The following UPF3B variants were observed in gnomAD, a reference collection of about 807,000 sequenced individuals.
UPF3B encodes the protein regulator of nonsense transcripts 3B.
Under a neutral mutation model 40.3 loss-of-function variants are expected in UPF3B, and 7 were observed. That is an observed-to-expected ratio of 0.17 (90% CI 0.10 to 0.33). The LOEUF (loss-of-function observed/expected upper bound fraction) is 0.33, where lower values mean the gene tolerates loss of function less well. Ranked by LOEUF, UPF3B falls within the 10% of genes least tolerant of loss-of-function variation. UPF3B has a pLI of 1.00. For missense variants in UPF3B, 229 were observed against 358.9 expected (o/e 0.64, Z 2.93); for synonymous variants, 117 against 117.3 (o/e 1.00, Z 0.01).
intron 4 of UPF3B, among the ~76,000 whole-genome samples, chrX:119,819,915 G>T (rs2055897977): frequency 9.8e-6 from 1 of 101,961 alleles, no homozygotes; most frequent in African/African-American, 3.7e-5. Context: ...CACGACCTTG[G>T]CTCACTGCAA....
intron 10 of UPF3B, among the ~76,000 whole-genome samples, chrX:119,836,017 T>C (rs140131880): frequency 2.2e-3 from 245 of 109,859 alleles, no homozygotes; most frequent in Non-Finnish European, 3.8e-3. Context: ...AAGAAGACAT[T>C]TCAAGGAAGC....
At chrX:119,807,467 T>C in intron 6 of UPF3B, 1 of 891,205 alleles carries the variant, frequency 1.1e-6, no homozygotes, top group South Asian at 3.1e-5. Flanking sequence ...ATGGTTAATA[T>C]CACTTTCCTG....
chrX:119,806,250 G>A (rs1483257315), intron 6 of UPF3B, among the ~76,000 whole-genome samples: 2 of 94,436 alleles, frequency 2.1e-5, no homozygotes, highest in Non-Finnish European at 4.2e-5. Context: ...ACCAAACACC[G>A]CATATTCTCA....
At chrX:119,824,311 G>A (rs1287985007) in intron 3 of UPF3B, among the ~76,000 whole-genome samples, 1 of 98,474 alleles carries the variant, frequency 1.0e-5, no homozygotes, top group Non-Finnish European at 2.0e-5. Context: ...ACACAGACAA[G>A]GACTTATTTT....
chrX:119,843,585 CT>C (rs1231453609), intron 4 of UPF3B, among the ~76,000 whole-genome samples: 1 of 111,858 alleles, frequency 8.9e-6, no homozygotes, highest in Non-Finnish European at 1.9e-5. Context: ...ACATAGTTTG[CT>C]TTTAAAAGTC....
chrX:119,834,553 TCTTA>T lies in UPF3B; in HGVS notation c.*321_*324del. The T allele has an allele frequency of 1.1e-6, 1 of 929,863 alleles. No homozygotes were observed. The highest frequency in any genetic ancestry group is 1.3e-6 in the Non-Finnish European group (1 of 748,948). 76.6% of individuals were successfully genotyped at this position (929,863 alleles called of 1,213,427 possible). ...AACAGCTTTTGATTTTAGAACCAGC[TCTTA>T]CTTTTCTCTCGTGTCATATGTGATG... On this transcript the variant is annotated 3_prime_UTR_variant, in exon 11 of 11. Coordinates refer to ENST00000276201, the MANE Select transcript of UPF3B (RefSeq NM_080632.3).
chrX:119,806,834 G>T (rs1174294210), intron 6 of UPF3B, among the ~76,000 whole-genome samples: 2 of 109,288 alleles, frequency 1.8e-5, no homozygotes, highest in Admixed American at 9.9e-5. Context: ...TTCAAGACCA[G>T]CGTGGCCAAC....
chrX:119,819,132 C>A (rs925152040), intron 4 of UPF3B, among the ~76,000 whole-genome samples: 19 of 105,778 alleles, frequency 1.8e-4, no homozygotes, highest in African/African-American at 6.2e-4. Context: ...CGGCTCACTG[C>A]AACCTCTGCC....
chrX:119,838,735 G>A (rs2056130259), intron 8 of UPF3B, among the ~76,000 whole-genome samples: 1 of 111,279 alleles, frequency 9.0e-6, no homozygotes, highest in Non-Finnish European at 1.9e-5. Flanking sequence ...CCACTTGAAC[G>A]AAGTGGTTTA....
rs781738672 is a variant in UPF3B, at chrX:119,834,615, G to A, written c.*263C>T. ...CACTTGACAATTCCCCCTGCAAATT[G>A]CAATGCATGTCCTTGCCGTCACCTT... On this transcript the variant is annotated 3_prime_UTR_variant, in exon 11 of 11. Transcript: ENST00000276201. 1 of 1,025,092 alleles carries A rather than the reference G, an allele frequency of 9.8e-7. No homozygotes were observed. Among genetic ancestry groups the A allele is most frequent in the African/African-American group, 1.9e-5 (1 of 52,131 alleles). 84.5% of individuals were successfully genotyped at this position (1,025,092 alleles called of 1,213,427 possible).
intron 6 of UPF3B, among the ~76,000 whole-genome samples, chrX:119,805,816 TAA>T (rs1487894476): frequency 8.4e-5 from 8 of 94,702 alleles, no homozygotes; most frequent in Non-Finnish European, 1.5e-4. Context: ...TGGCAATCAT[TAA>T]AAAGTCAGGA....
downstream of UPF3B, among the ~76,000 whole-genome samples, chrX:119,829,531 GCAT>G (rs1164350578): frequency 8.9e-6 from 1 of 111,852 alleles, no homozygotes; most frequent in Non-Finnish European, 1.9e-5. Flanking sequence ...CCTTTGTCAG[GCAT>G]CATACTTGAC....
chrX:119,849,875 TAAAAAAAAAC>T (rs2056279701), intron 3 of UPF3B, among the ~76,000 whole-genome samples: 2 of 108,067 alleles, frequency 1.9e-5, no homozygotes, highest in African/African-American at 6.8e-5. Flanking sequence ...AACAAGATAT[TAAAAAAAAAC>T]AATAAAATCC....
intron 3 of UPF3B, among the ~76,000 whole-genome samples, chrX:119,848,661 GAT>G (rs61073577): frequency 0.49 from 54,005 of 110,559 alleles, 9,618 homozygotes; most frequent in East Asian, 0.78. Context: ...ATGAGGTAAT[GAT>G]ATATGTTATA....
At chrX:119,807,801 C>CT (rs1329426646) in intron 5 of UPF3B, among the ~76,000 whole-genome samples, 1 of 110,835 alleles carries the variant, frequency 9.0e-6, no homozygotes, top group Non-Finnish European at 1.9e-5. Flanking sequence ...GGTTCAGTTT[C>CT]TTTTTTTTCA....
rs748924206 is a variant in UPF3B at position 119,837,955 on chromosome X, C to T, written c.1104G>A (p.Arg368=). The change falls in exon 10 of 11, where the codon CGG becomes CGA. Residue 368 remains arginine, a synonymous_variant. Transcript: ENST00000276201. ...RILRERERLK[R]QEEERRRQKE... is the part of the protein sequence containing the mutation. ...TCTGCCTACGGCGCTCTTCTTCTTGCCGCTTCAGCCTCTCTCTTTCTCGAA... is the reference window on the plus strand; with the variant it reads ...TCTGCCTACGGCGCTCTTCTTCTTGTCGCTTCAGCCTCTCTCTTTCTCGAA... 2 of 1,211,023 alleles carry T rather than the reference C, an allele frequency of 1.7e-6. No homozygotes were observed. Among genetic ancestry groups the T allele is most frequent in the African/African-American group, 3.5e-5 (2 of 57,716 alleles).
Position 119,852,855 on chromosome X carries a change from C to A in UPF3B, c.74G>T (p.Ser25Ile). Reference protein sequence around the residue: ...TLLTPAGATGSGGGTSGDSSK... With the variant: ...TLLTPAGATGIGGGTSGDSSK... Reference sequence around the variant, plus strand: ...GCTGTCCCCCGAGGTCCCACCACCGCTGCCTGTGGCCCCGGCGGGGGTTAA... The same window carrying A: ...GCTGTCCCCCGAGGTCCCACCACCGATGCCTGTGGCCCCGGCGGGGGTTAA... Residue 25 changes from serine (S) to isoleucine (I), a missense_variant, in exon 1 of 11, where the codon AGC (serine) becomes ATC (isoleucine). This residue lies in a region of UPF3B where 23 missense variants were observed against 21.0 expected (regional missense o/e 1.10). Transcript: ENST00000276201. The A allele has an allele frequency of 8.2e-7, 1 of 1,212,537 alleles. No homozygotes were observed. Among genetic ancestry groups the A allele is most frequent in the Non-Finnish European group, 1.1e-6 (1 of 895,662 alleles).
Position 119,822,883 on chromosome X carries a change from C to T in UPF3B, c.494+59G>A, listed in dbSNP as rs533180964. On this transcript the variant is annotated intron_variant, in intron 4 of 6. Transcript: ENST00000636792. ...TCGGCCTCCCAAAATGCTGGGATTACAGGCATGAGCCACCACGCCCGGCCT... is the reference window on the plus strand; with the variant it reads ...TCGGCCTCCCAAAATGCTGGGATTATAGGCATGAGCCACCACGCCCGGCCT... The T allele has an allele frequency of 9.8e-6, 7 of 714,419 alleles. No individual in the cohort carries two copies. The South Asian group carries it at 2.7e-4, about 28-fold the overall frequency. 58.9% of individuals were successfully genotyped at this position (714,419 alleles called of 1,213,427 possible).
downstream of UPF3B, among the ~76,000 whole-genome samples, chrX:119,831,003 GTGA>G (rs1239692430): frequency 8.9e-6 from 1 of 112,187 alleles, no homozygotes; most frequent in Non-Finnish European, 1.9e-5. Context: ...CATGTCATAT[GTGA>G]TGAAGTCCTC....
Sources: gnomAD v4.1 joint callset for allele counts (sites outside exome capture counted in the v4.1 genomes callset) on GRCh38, gnomAD v4.1.1 for gene constraint, gnomAD v4.1.1 regional missense constraint, MANE v1.5 for transcripts, NCBI Gene and HGNC (gene_info 2026-07-23, HGNC 2026-07-21) for gene names.